Variants in LOC400499 observed in about 807,000 individuals in gnomAD.
the LOC400499 span, among the ~76,000 whole-genome samples, chr16:11,500,624 T>C: frequency 1.3e-5 from 2 of 152,050 alleles, no homozygotes; most frequent in Non-Finnish European, 2.9e-5. Context: ...CCCGGAATTC[T>C]CTGATACCAA....
chr16:11,521,159 C>T, the LOC400499 span, among the ~76,000 whole-genome samples: 1 of 152,176 alleles, frequency 6.6e-6, no homozygotes, highest in East Asian at 1.9e-4. Context: ...AGACCTCATC[C>T]TGTGGTCTAC....
the LOC400499 span, among the ~76,000 whole-genome samples, chr16:11,525,101 T>C: frequency 6.6e-6 from 1 of 151,990 alleles, no homozygotes; most frequent in African/African-American, 2.4e-5. Flanking sequence ...CTGGCCAGCA[T>C]GGCGAAACCC....
chr16:11,519,657 T>C, the LOC400499 span, among the ~76,000 whole-genome samples: 2 of 151,724 alleles, frequency 1.3e-5, no homozygotes, highest in East Asian at 1.9e-4. Flanking sequence ...GAAAATGTTA[T>C]GTTAAATGAA....
At chr16:11,472,732 G>GC in the LOC400499 span, 2 of 152,212 alleles carry the variant, frequency 1.3e-5, no homozygotes, top group Non-Finnish European at 2.9e-5. Flanking sequence ...AATAGTTCCT[G>GC]CCTCATGGCG....
At chr16:11,410,362 G>C in the LOC400499 span, among the ~76,000 whole-genome samples, 1 of 152,218 alleles carries the variant, frequency 6.6e-6, no homozygotes, top group Admixed American at 6.5e-5. Flanking sequence ...GCTGGGGCAG[G>C]AGAATCGCTT....
the LOC400499 span, among the ~76,000 whole-genome samples, chr16:11,463,860 T>G: frequency 6.6e-6 from 1 of 152,146 alleles, no homozygotes; most frequent in Non-Finnish European, 1.5e-5. Context: ...TGTAAAGAGA[T>G]GCATATATAC....
chr16:11,438,052 G>C, the LOC400499 span, among the ~76,000 whole-genome samples: 1 of 151,998 alleles, frequency 6.6e-6, no homozygotes, highest in Non-Finnish European at 1.5e-5. Context: ...GGCAAGTCAC[G>C]CCACCTCTCT....
the LOC400499 span, among the ~76,000 whole-genome samples, chr16:11,386,355 G>A: frequency 6.6e-6 from 1 of 152,246 alleles, no homozygotes; most frequent in Non-Finnish European, 1.5e-5. Context: ...TACCAGCCCC[G>A]TGGGCAGCTG....
At chr16:11,396,547 G>T in the LOC400499 span, 3 of 1,232,096 alleles carry the variant, frequency 2.4e-6, no homozygotes, top group Non-Finnish European at 3.0e-6. Flanking sequence ...AACGAGGCCT[G>T]CTGTGGTTTT....
chr16:11,432,617 GA>G, the LOC400499 span, among the ~76,000 whole-genome samples: 4 of 152,200 alleles, frequency 2.6e-5, no homozygotes, highest in African/African-American at 9.7e-5. Flanking sequence ...ACAGCCCCAA[GA>G]AGCTTGCTGT....
At chr16:11,451,685 G>A in the LOC400499 span, among the ~76,000 whole-genome samples, 1 of 152,200 alleles carries the variant, frequency 6.6e-6, no homozygotes, top group African/African-American at 2.4e-5. Flanking sequence ...GCTTCTAGGA[G>A]GAAGTGACAA....
the LOC400499 span, among the ~76,000 whole-genome samples, chr16:11,459,546 G>C: frequency 5.9e-5 from 9 of 152,116 alleles, no homozygotes. Flanking sequence ...TGCTGTGTAA[G>C]AACCACCACC....
the LOC400499 span, among the ~76,000 whole-genome samples, chr16:11,457,747 C>T: frequency 1.3e-5 from 2 of 152,030 alleles, no homozygotes; most frequent in Non-Finnish European, 2.9e-5. Flanking sequence ...TCACAATAGC[C>T]AAAAAATGGA....
At chr16:11,490,856 G>A in the LOC400499 span, among the ~76,000 whole-genome samples, 2 of 152,152 alleles carry the variant, frequency 1.3e-5, no homozygotes, top group Admixed American at 6.5e-5. Context: ...GTATCTTCAG[G>A]ACATAGGAAA....
At chr16:11,420,386 T>C in the LOC400499 span, among the ~76,000 whole-genome samples, 4 of 138,630 alleles carry the variant, frequency 2.9e-5, no homozygotes, top group Admixed American at 8.2e-5. Flanking sequence ...TAGATGGGAA[T>C]TGAACAATGA....
chr16:11,518,766 G>C, the LOC400499 span: 2 of 396,872 alleles, frequency 5.0e-6, no homozygotes. Flanking sequence ...CTTTGCTACA[G>C]AGAGGTCACC....
the LOC400499 span, among the ~76,000 whole-genome samples, chr16:11,403,986 A>G: frequency 0.62 from 94,595 of 152,032 alleles, 30,047 homozygotes; most frequent in Middle Eastern, 0.72. Context: ...CCTTCTCCCC[A>G]TTCCAGCCAT....
the LOC400499 span, among the ~76,000 whole-genome samples, chr16:11,446,298 T>A: frequency 6.6e-6 from 1 of 150,906 alleles, no homozygotes; most frequent in Non-Finnish European, 1.5e-5. Flanking sequence ...TACAAGCACA[T>A]GCCACCATGC....
the LOC400499 span, chr16:11,491,665 G>GCCCCCCC: frequency 2.9e-6 from 1 of 344,470 alleles, no homozygotes; most frequent in Non-Finnish European, 5.2e-6. Context: ...CCCCACCCCT[G>GCCCCCCC]CCCACACCCC....
Sources: gnomAD v4.1 joint callset for allele counts (sites outside exome capture counted in the v4.1 genomes callset) on GRCh38, gnomAD v4.1.1 for gene constraint, MANE v1.5 for transcripts.